The following CHN2 variants were observed in gnomAD, a reference collection of about 807,000 sequenced individuals.
CHN2 encodes beta-chimaerin.
Under a neutral mutation model 56.3 loss-of-function variants are expected in CHN2, and 35 were observed. That is an observed-to-expected ratio of 0.62 (90% CI 0.47 to 0.82). The LOEUF is 0.82. CHN2 is among the 40% of genes least tolerant of loss of function. The probability of loss-of-function intolerance (pLI) is 0.00; values close to 1 mark genes in which losing one functional copy is unlikely to be tolerated. For synonymous variants in CHN2, 210 were observed against 212.8 expected (o/e 0.99, Z 0.12); for missense variants, 491 against 580.5 (o/e 0.85, Z 1.58).
At chr7:29,423,402 C>T (rs747862392) in intron 6 of CHN2, among the ~76,000 whole-genome samples, 2 of 152,196 alleles carry the variant, frequency 1.3e-5, no homozygotes, top group Admixed American at 6.5e-5. Flanking sequence ...TATAAAAGCT[C>T]AGCTTCTTTG....
chr7:29,489,526 CACGT>C (rs1387999414), intron 7 of CHN2, among the ~76,000 whole-genome samples: 1 of 152,206 alleles, frequency 6.6e-6, no homozygotes, highest in African/African-American at 2.4e-5. Flanking sequence ...TCAGCATTTA[CACGT>C]AGCCTTCTGT....
chr7:29,459,430 C>T lies in CHN2; in HGVS notation c.577-20849C>T, dbSNP rs556060759. Among the ~76,000 whole-genome samples the T allele has an allele frequency of 2.0e-5, 3 of 152,268 alleles. No homozygotes were observed. The South Asian group carries it at 6.2e-4, about 32-fold the overall frequency. On this transcript the variant is annotated intron_variant, in intron 6 of 12. Transcript: ENST00000222792. ...TGGAGGAATCAGGGTAAGGTCATGC[C>T]GGCTGGGCCTTCTCCCTAGTTCGGA...
intron 1 of CHN2, chr7:29,289,192 A>T (rs778044480): frequency 1.1e-4 from 17 of 152,348 alleles, no homozygotes; most frequent in African/African-American, 3.6e-4. Flanking sequence ...GGACTTAATT[A>T]AAAAAGCTGT....
chr7:29,259,934 A>G (rs2128829914), intron 1 of CHN2, among the ~76,000 whole-genome samples: 1 of 152,318 alleles, frequency 6.6e-6, no homozygotes, highest in South Asian at 2.1e-4. Context: ...GATTACCCCT[A>G]GAGGCCGGAG....
chr7:29,228,155 T>C (rs1291589362), intron 1 of CHN2, among the ~76,000 whole-genome samples: 1 of 149,962 alleles, frequency 6.7e-6, no homozygotes, highest in Non-Finnish European at 1.5e-5. Context: ...AATATATATA[T>C]ATATACACAC....
intron 7 of CHN2, among the ~76,000 whole-genome samples, chr7:29,490,657 T>C (rs542470439): frequency 6.6e-6 from 1 of 152,358 alleles, no homozygotes; most frequent in East Asian, 1.9e-4. Flanking sequence ...TAATGCCACT[T>C]CTGAGATATA....
At chr7:29,272,691 A>G (rs1465126659) in intron 1 of CHN2, among the ~76,000 whole-genome samples, 1 of 152,222 alleles carries the variant, frequency 6.6e-6, no homozygotes, top group Non-Finnish European at 1.5e-5. Flanking sequence ...ATTTTGTATC[A>G]GTCAATATAT....
chr7:29,457,620 G>T (rs1240341316), intron 6 of CHN2, among the ~76,000 whole-genome samples: 3 of 152,158 alleles, frequency 2.0e-5, no homozygotes, highest in African/African-American at 7.2e-5. Flanking sequence ...GTTGCTCCAG[G>T]TTTCAACAGC....
upstream of CHN2, among the ~76,000 whole-genome samples, chr7:29,189,793 A>C (rs1429377968): frequency 6.6e-6 from 1 of 152,222 alleles, no homozygotes; most frequent in African/African-American, 2.4e-5. Context: ...GCCCAAGCTA[A>C]GTGGCCAAAT....
intron 1 of CHN2, among the ~76,000 whole-genome samples, chr7:29,275,379 T>C (rs1791105260): frequency 6.6e-6 from 1 of 152,180 alleles, no homozygotes; most frequent in African/African-American, 2.4e-5. Flanking sequence ...TCAAGTACCA[T>C]TAAAAGTACT....
intron 1 of CHN2, chr7:29,146,846 T>C (rs1300114405): frequency 4.5e-6 from 7 of 1,551,118 alleles, no homozygotes; most frequent in Non-Finnish European, 6.1e-6. Flanking sequence ...TTCTGCACTC[T>C]AGGACTTACT....
At chr7:29,369,725 TC>T (rs913196783) in intron 3 of CHN2, among the ~76,000 whole-genome samples, 1 of 152,206 alleles carries the variant, frequency 6.6e-6, no homozygotes, top group Non-Finnish European at 1.5e-5. Flanking sequence ...TACAAACTCT[TC>T]CTAGAGTTCC....
chr7:29,419,715 G>A (rs1409783589), intron 6 of CHN2, among the ~76,000 whole-genome samples: 1 of 152,116 alleles, frequency 6.6e-6, no homozygotes, highest in Non-Finnish European at 1.5e-5. Flanking sequence ...ATACTCAGAT[G>A]GCCAACAAGC....
Position 29,181,864 on chromosome 7 carries a change from G to A in CHN2, c.274+34904G>A, listed in dbSNP as rs370161420. 9.9e-5 allele frequency among the ~76,000 whole-genome samples: 15 copies of A among 151,994 alleles called. No individual in the cohort carries two copies. The East Asian group carries it at 1.9e-3, about 20-fold the overall frequency. On this transcript the variant is annotated intron_variant, in intron 2 of 6. Coordinates refer to the CHN2 transcript ENST00000439384. Reference sequence around the variant, plus strand: ...CTGCTAAACTGCTAATTCCTAAGGGGGGGAAAAGTACCTAAGTATTTATTC... The same window carrying A: ...CTGCTAAACTGCTAATTCCTAAGGGAGGGAAAAGTACCTAAGTATTTATTC...
chr7:29,401,298 C>G (rs1232112108), intron 6 of CHN2: 1 of 155,426 alleles, frequency 6.4e-6, no homozygotes, highest in Non-Finnish European at 1.4e-5. Flanking sequence ...AGGTCAGCCC[C>G]CTCATTTTAC....
In CHN2 at chr7:29,507,358, TGCA is replaced by T; in HGVS notation, c.1126_1128del (p.Ala376del). 1 of 1,604,368 alleles carries T rather than the reference TGCA, an allele frequency of 6.2e-7. No homozygotes were observed. Among genetic ancestry groups the T allele is most frequent in the Non-Finnish European group, 8.5e-7 (1 of 1,176,116 alleles). ...ATGATACCTATTCCAAATTTATAGATGCAGCAAGTAAGTACTTCAAATTAATTT... is the reference window on the plus strand; with the variant it reads ...ATGATACCTATTCCAAATTTATAGATGCAAGTAAGTACTTCAAATTAATTT... On this transcript the variant is annotated inframe_deletion, in exon 11 of 13. Transcript: ENST00000222792.
intron 2 of CHN2, among the ~76,000 whole-genome samples, chr7:29,187,686 C>T (rs1217255706): frequency 6.6e-6 from 1 of 152,024 alleles, no homozygotes; most frequent in Non-Finnish European, 1.5e-5. Flanking sequence ...CGAGATTGCA[C>T]CATTGCACTC....
chr7:29,322,129 G>C (rs1280358865), intron 1 of CHN2, among the ~76,000 whole-genome samples: 1 of 152,190 alleles, frequency 6.6e-6, no homozygotes, highest in Non-Finnish European at 1.5e-5. Context: ...ATGAGGTAAA[G>C]GGCTATTCAA....
rs66659316 is a variant in CHN2 at position 29,354,604 on chromosome 7, CTT to C, written c.50-10_50-9del. ...TGACGTTCAGGCTGATGATGGATTT[CTT>C]TTTTTTTTTTCATTCTAGATGCTGA... On this transcript the variant is annotated intron_variant, in intron 1 of 12. Coordinates refer to ENST00000222792, the MANE Select transcript of CHN2 (RefSeq NM_004067.4). The C allele has an allele frequency of 0.31, 423,393 of 1,377,200 alleles. 54,546 individuals are homozygous for C. Among genetic ancestry groups the C allele is most frequent in the Non-Finnish European group, 0.34 (338,308 of 1,008,514 alleles). The allele number at this position is 1,377,200 out of a possible 1,614,324, so 85.3% of individuals were successfully genotyped here. A position where few individuals can be genotyped will look rare whatever the true frequency, so the allele number is the denominator to read the frequency against.
Sources: gnomAD v4.1 joint callset for allele counts (sites outside exome capture counted in the v4.1 genomes callset) on GRCh38, gnomAD v4.1.1 for gene constraint, MANE v1.5 for transcripts, NCBI Gene and HGNC (gene_info 2026-07-23, HGNC 2026-07-21) for gene names.